The following ANLN variants were observed in gnomAD, a reference collection of about 807,000 sequenced individuals.
ANLN encodes anillin, actin binding protein, also known as anillin.
A neutral mutation model predicts 135.1 loss-of-function variants in ANLN; 59 were observed. The observed-to-expected ratio is 0.44, with a 90% CI of 0.35 to 0.54. The LOEUF is 0.54. ANLN is among the 20% of genes least tolerant of loss of function. The probability of loss-of-function intolerance (pLI) is 0.00; values close to 1 mark genes in which losing one functional copy is unlikely to be tolerated. For synonymous variants in ANLN, 406 were observed against 456.4 expected, an observed-to-expected ratio of 0.89 and a Z score of 1.41; for missense variants, 1,182 against 1,340.0, an observed-to-expected ratio of 0.88 and a Z score of 1.84.
At chr7:36,436,232 T>C (rs1788544908) in intron 20 of ANLN, among the ~76,000 whole-genome samples, 1 of 152,226 alleles carries the variant, frequency 6.6e-6, no homozygotes, top group Non-Finnish European at 1.5e-5. Context: ...ACTTTTTATG[T>C]CTGGCTTATT....
At chr7:36,450,240 TA>T (rs1301025205) in intron 23 of ANLN, among the ~76,000 whole-genome samples, 1 of 152,252 alleles carries the variant, frequency 6.6e-6, no homozygotes. Context: ...AATCTCATTC[TA>T]TTCTGCAAAT....
Position 36,415,821 on chromosome 7 carries a change from C to A in ANLN, c.1459C>A (p.Pro487Thr). 5 of 1,610,618 alleles carry A rather than the reference C, an allele frequency of 3.1e-6. No homozygotes were observed. Among genetic ancestry groups the A allele is most frequent in the Non-Finnish European group, 4.2e-6 (5 of 1,178,770 alleles). The change falls in exon 8 of 24, where the codon CCA (proline) becomes ACA (threonine). Residue 487 changes from proline (P) to threonine (T), a missense_variant. By Grantham distance (38) the Pro-to-Thr change is conservative. Coordinates refer to ENST00000265748, the MANE Select transcript of ANLN (RefSeq NM_018685.5). ...AGGTGTTTCAAAAACTCAGTCACTT[C>A]CAGTAACAGAAAAGGTGACCGAAAA... is the stretch of plus-strand genomic sequence containing the variant. ...HQGVSKTQSL[P>T]VTEKVTENQI...
chr7:36,449,410 G>T, intron 22 of ANLN: 11 of 261,086 alleles, frequency 4.2e-5, no homozygotes, highest in East Asian at 7.3e-5. Context: ...TTTTTTATTT[G>T]AAGTTCACCA....
intron 7 of ANLN, among the ~76,000 whole-genome samples, chr7:36,414,971 A>G (rs992946657): frequency 1.3e-5 from 2 of 152,250 alleles, no homozygotes; most frequent in African/African-American, 4.8e-5. Flanking sequence ...GGCAATAGAT[A>G]TAAGGTGCTT....
At chr7:36,448,668 T>TA (rs1789115185) in intron 22 of ANLN, among the ~76,000 whole-genome samples, 1 of 152,228 alleles carries the variant, frequency 6.6e-6, no homozygotes, top group Non-Finnish European at 1.5e-5. Context: ...GCTTATATAA[T>TA]GGGAGGATTT....
chr7:36,419,533 C>T (rs894805143), intron 10 of ANLN, 54 bp downstream of exon 10: 13 of 1,423,254 alleles, frequency 9.1e-6, no homozygotes, highest in Non-Finnish European at 1.3e-5. Flanking sequence ...AAGTAGTATT[C>T]GTATCTCCCC....
intron 22 of ANLN, among the ~76,000 whole-genome samples, chr7:36,448,328 T>C (rs1476854925): frequency 2.0e-5 from 3 of 152,222 alleles, no homozygotes; most frequent in Admixed American, 6.5e-5. Context: ...TTTTGCATTT[T>C]ACAGTTGAAA....
At chr7:36,403,907 C>T (rs753526017) in intron 3 of ANLN, among the ~76,000 whole-genome samples, 10 of 152,308 alleles carry the variant, frequency 6.6e-5, no homozygotes, top group Non-Finnish European at 1.0e-4. Context: ...GCAATCCACC[C>T]GCCTTGGCCT....
chr7:36,452,383 GTTTA>G (rs1789281688), intron 23 of ANLN, 90 bp from the exon 24 acceptor site: 8 of 1,519,744 alleles, frequency 5.3e-6, no homozygotes, highest in Non-Finnish European at 7.2e-6. Flanking sequence ...TCATTTACTG[GTTTA>G]TTTAGTCATT....
chr7:36,425,711 C>G lies in ANLN; in HGVS notation c.2719C>G (p.Pro907Ala). The G allele has an allele frequency of 6.2e-7, 1 of 1,610,960 alleles. No individual in the cohort carries two copies. Among genetic ancestry groups the G allele is most frequent in the Admixed American group, 1.7e-5 (1 of 59,858 alleles). ...CTATCTTTTCTTTTAGGCTATTACT[C>G]CAAAGCGACTCCTCACATCTATAAC... ...KKTSKSKAIT[P>A]KRLLTSITTK... The change falls in exon 18 of 24, where the codon CCA (proline) becomes GCA (alanine). Residue 907 changes from proline to alanine, a missense_variant. Around this residue, in one of 3 missense-constraint regions of ANLN, gnomAD observed 1,022 missense variants for 1,134.0 expected, o/e 0.90. Transcript: ENST00000265748.
intron 4 of ANLN, among the ~76,000 whole-genome samples, chr7:36,406,861 AAATT>A (rs2116577908): frequency 6.6e-6 from 1 of 152,308 alleles, no homozygotes; most frequent in African/African-American, 2.4e-5. Context: ...AGAGCACTGA[AAATT>A]AAGTCCTCTG....
chr7:36,422,711 C>A lies in ANLN; in HGVS notation c.2378C>A (p.Pro793His). Residue 793 changes from proline (P) to histidine (H), a missense_variant, in exon 14 of 24, where the codon CCC becomes CAC. Pro to His is a moderately conservative substitution (Grantham distance 77). This residue lies in a region of ANLN where 1,022 missense variants were observed against 1,134.0 expected (regional missense o/e 0.90). Coordinates refer to ENST00000265748, the MANE Select transcript of ANLN (RefSeq NM_018685.5). The stretch of plus-strand genomic sequence containing the variant: ...CCTCAGAGGAAGAATAAGGCTAGTC[C>A]CCAAAGTGAATTTATGCCATCCAAA... ...EGPQRKNKAS[P>H]QSEFMPSKGS... 6.2e-7 allele frequency: 1 copy of A among 1,612,530 alleles called. No homozygotes were observed. The highest frequency in any genetic ancestry group is 1.1e-5 in the South Asian group (1 of 90,796).
chr7:36,410,655 A>G lies in ANLN; in HGVS notation c.1238A>G (p.Lys413Arg), dbSNP rs773399264. Residue 413 changes from lysine to arginine, a missense_variant, in exon 6 of 24, where the codon AAG (lysine) becomes AGG (arginine). Coordinates refer to ENST00000265748, the MANE Select transcript of ANLN (RefSeq NM_018685.5). ...AAGGCCATCCAAGAAAGATTATTCA[A>G]GCAAGACACATCTTCATCTACTACC... is the stretch of plus-strand genomic sequence containing the variant. ...NTKAIQERLF[K>R]QDTSSSTTHL... is the part of the protein sequence containing the mutation. 1.2e-6 allele frequency: 2 copies of G among 1,614,166 alleles called. No individual in the cohort carries two copies. The highest frequency in any genetic ancestry group is 1.3e-5 in the African/African-American group (1 of 75,056).
chr7:36,450,241 A>C (rs1049184055), intron 23 of ANLN, among the ~76,000 whole-genome samples: 16 of 152,198 alleles, frequency 1.1e-4, no homozygotes, highest in Non-Finnish European at 1.9e-4. Context: ...ATCTCATTCT[A>C]TTCTGCAAAT....
At chr7:36,439,496 T>C (rs1562818949) in intron 21 of ANLN, among the ~76,000 whole-genome samples, 1 of 152,218 alleles carries the variant, frequency 6.6e-6, no homozygotes, top group Admixed American at 6.5e-5. Context: ...GAGTTTTTAG[T>C]TTAGAAGAGA....
chr7:36,411,079 A>G lies in ANLN; in HGVS notation c.1308A>G (p.Ala436=). ...TTTAGGAACGTCAAAAAGAACTAGC[A>G]TGTCTTCGTGGCCGATTTGACAAGG... is the stretch of plus-strand genomic sequence containing the variant. ...QLKQERQKEL[A]CLRGRFDKGN... The change falls in exon 7 of 24, where the codon GCA becomes GCG. Residue 436 remains alanine (A), a synonymous_variant. Coordinates refer to ENST00000265748, the MANE Select transcript of ANLN (RefSeq NM_018685.5). 1 of 1,608,316 alleles carries G rather than the reference A, an allele frequency of 6.2e-7. No homozygotes were observed. The highest frequency in any genetic ancestry group is 1.1e-5 in the South Asian group (1 of 89,548).
At position 36,406,476 on chromosome 7, in the gene ANLN, C is replaced by T. The variant is rs752025646; in HGVS notation, c.783C>T (p.Ser261=). Residue 261 remains serine, a synonymous_variant, in exon 4 of 24, where the codon TCC becomes TCT. Transcript: ENST00000265748. The stretch of plus-strand genomic sequence containing the variant: ...TTAAGCAGGAAGCTACATTCTGTTC[C>T]CAAAGGGATGGCGATGCCTCTTTGA... ...SSVKQEATFC[S]QRDGDASLNK... 107 of 1,602,946 alleles carry T rather than the reference C, an allele frequency of 6.7e-5. 6 individuals carry two copies. The South Asian group carries it at 1.2e-3, about 18-fold the overall frequency.
At chr7:36,431,617 A>ATT (rs141380630) in intron 20 of ANLN, among the ~76,000 whole-genome samples, 1 of 67,382 alleles carries the variant, frequency 1.5e-5, no homozygotes, top group African/African-American at 5.8e-5. Context: ...ATATATATAT[A>ATT]ATATATATAT....
rs1787675039 is a variant in ANLN, at chr7:36,417,086, C to T, written c.1529C>T (p.Thr510Ile). ...KNSSTEPKGF[T>I]ECEMTKSSPL... ...CTTTCTTAAACATTTTTAGGTTTCA[C>T]TGAATGCGAAATGACGAAATCTAGC... The change falls in exon 9 of 24, where the codon ACT (threonine) becomes ATT (isoleucine). Residue 510 changes from threonine to isoleucine, a missense_variant. Coordinates refer to ENST00000265748, the MANE Select transcript of ANLN (RefSeq NM_018685.5). The T allele has an allele frequency of 6.3e-7, 1 of 1,585,730 alleles. No homozygotes were observed. Among genetic ancestry groups the T allele is most frequent in the Non-Finnish European group, 8.6e-7 (1 of 1,163,250 alleles).
Sources: allele counts gnomAD v4.1 joint callset (sites outside exome capture counted in the v4.1 genomes callset), GRCh38; gene constraint gnomAD v4.1.1; regional missense constraint gnomAD v4.1.1; transcripts MANE v1.5; gene names NCBI Gene and HGNC (gene_info 2026-07-23, HGNC 2026-07-21).